Variants in GPBP1 observed in about 807,000 individuals in gnomAD.
GPBP1 encodes the protein vasculin.
A neutral mutation model predicts 56.5 loss-of-function variants in GPBP1; 13 were observed. That is an observed-to-expected ratio of 0.23 (90% CI 0.15 to 0.37). GPBP1 has a LOEUF of 0.37. Among genes scored for constraint, GPBP1 ranks in the 10% least tolerant of loss-of-function variants. GPBP1 has a pLI of 1.00. For synonymous variants in GPBP1, 204 were observed against 188.9 expected (o/e 1.08, Z -0.66); for missense variants, 477 against 572.3 (o/e 0.83, Z 1.70).
chr5:57,205,153 C>T (rs1456580576), intron 2 of GPBP1, among the ~76,000 whole-genome samples: 2 of 152,162 alleles, frequency 1.3e-5, no homozygotes, highest in Non-Finnish European at 2.9e-5. Flanking sequence ...TGCTTTTTTT[C>T]TCTATGAATT....
chr5:57,234,636 C>T (rs956990535), intron 5 of GPBP1, among the ~76,000 whole-genome samples: 1 of 152,158 alleles, frequency 6.6e-6, no homozygotes, highest in African/African-American at 2.4e-5. Flanking sequence ...CCCTTAAAAG[C>T]AGAGAAGTTT....
intron 3 of GPBP1, among the ~76,000 whole-genome samples, chr5:57,230,161 A>G (rs981948394): frequency 1.3e-5 from 2 of 151,786 alleles, no homozygotes; most frequent in Non-Finnish European, 2.9e-5. Flanking sequence ...CGAACTCCCA[A>G]TCTCAGGTGA....
intron 3 of GPBP1, among the ~76,000 whole-genome samples, chr5:57,219,874 A>G (rs1284719519): frequency 6.6e-6 from 1 of 151,926 alleles, no homozygotes; most frequent in Admixed American, 6.6e-5. Context: ...CCAACGTGGA[A>G]AAACCCTGTC....
At chr5:57,224,329 G>A (rs1239212906) in intron 3 of GPBP1, among the ~76,000 whole-genome samples, 2 of 150,604 alleles carry the variant, frequency 1.3e-5, no homozygotes, top group Non-Finnish European at 2.9e-5. Flanking sequence ...TGCAGCCTTT[G>A]CCTCCCAGGT....
intron 2 of GPBP1, among the ~76,000 whole-genome samples, chr5:57,211,620 C>G (rs1450825055): frequency 3.4e-5 from 5 of 148,358 alleles, no homozygotes; most frequent in African/African-American, 1.3e-4. Flanking sequence ...GAGTTTCCTC[C>G]TTGCCCAGGC....
At chr5:57,223,919 T>C (rs1429285431) in intron 3 of GPBP1, among the ~76,000 whole-genome samples, 1 of 151,856 alleles carries the variant, frequency 6.6e-6, no homozygotes, top group African/African-American at 2.4e-5. Flanking sequence ...CTGCAAGCTC[T>C]GCCTCCTGGG....
At chr5:57,246,251 C>T (rs1228236733) in intron 6 of GPBP1, 49 bp from the exon 7 acceptor site, 2 of 1,461,892 alleles carry the variant, frequency 1.4e-6, no homozygotes, top group African/African-American at 2.8e-5. Flanking sequence ...TTATTCTATA[C>T]TAAAACTTGA....
intron 10 of GPBP1, among the ~76,000 whole-genome samples, chr5:57,259,766 GAAGCTTTCCCAGGCATTTTTCTGCTA>G (rs1305150260): frequency 5.5e-4 from 84 of 152,202 alleles, no homozygotes; most frequent in African/African-American, 1.5e-3. Flanking sequence ...ACTCTCTGGT[GAAGCTTTCCCAGGCATTTTTCTGCTA>G]AAGCTTTCCC....
Position 57,175,853 on chromosome 5 carries a change from T to C in GPBP1, c.-605T>C. Reference sequence around the variant, plus strand: ...TTTCATGGCAGTTTATTTTTACCTTTATTGAAAGTTTTAGGAATTTTTGAC... The same window carrying C: ...TTTCATGGCAGTTTATTTTTACCTTCATTGAAAGTTTTAGGAATTTTTGAC... On this transcript the variant is annotated 5_prime_UTR_variant, in exon 2 of 12. Transcript: ENST00000506184. 2.5e-6 allele frequency: 1 copy of C among 397,528 alleles called. No individual in the cohort carries two copies. Among genetic ancestry groups the C allele is most frequent in the Non-Finnish European group, 4.4e-6 (1 of 225,776 alleles). 24.6% of individuals were successfully genotyped at this position (397,528 alleles called of 1,614,324 possible).
intron 3 of GPBP1, among the ~76,000 whole-genome samples, chr5:57,229,725 G>T (rs1353771517): frequency 6.6e-6 from 1 of 151,200 alleles, no homozygotes; most frequent in Non-Finnish European, 1.5e-5. Context: ...GTAGAGATGG[G>T]GTTTCACTGT....
intron 2 of GPBP1, among the ~76,000 whole-genome samples, chr5:57,200,007 C>T (rs1754929139): frequency 6.9e-6 from 1 of 145,866 alleles, no homozygotes; most frequent in South Asian, 2.2e-4. Context: ...TGCGCCTGGC[C>T]CTTACTTGAA....
intron 2 of GPBP1, among the ~76,000 whole-genome samples, chr5:57,200,840 C>T (rs894988804): frequency 3.3e-5 from 5 of 152,128 alleles, no homozygotes; most frequent in South Asian, 2.1e-4. Context: ...AGCCACCACG[C>T]GCGGCTAGTT....
intron 3 of GPBP1, among the ~76,000 whole-genome samples, chr5:57,217,572 AAAAC>A (rs766681917): frequency 2.0e-4 from 31 of 151,976 alleles, no homozygotes; most frequent in Admixed American, 5.2e-4. Context: ...ATACTGTCTC[AAAAC>A]AAACAAACAA....
At chr5:57,185,369 C>T (rs995852982) in intron 2 of GPBP1, among the ~76,000 whole-genome samples, 1 of 151,080 alleles carries the variant, frequency 6.6e-6, no homozygotes, top group South Asian at 2.1e-4. Flanking sequence ...TTAAGTGATT[C>T]TCCTGTCTCA....
At chr5:57,228,620 C>CCCT (rs1234715307) in intron 3 of GPBP1, among the ~76,000 whole-genome samples, 2 of 151,520 alleles carry the variant, frequency 1.3e-5, no homozygotes, top group African/African-American at 4.9e-5. Flanking sequence ...GAAAAAGATC[C>CCCT]CCTCCATTCT....
chr5:57,224,889 A>G (rs1756112301), intron 3 of GPBP1, among the ~76,000 whole-genome samples: 1 of 151,424 alleles, frequency 6.6e-6, no homozygotes, highest in Admixed American at 6.6e-5. Flanking sequence ...CATGAAGACA[A>G]TGACCATTTG....
intron 2 of GPBP1, among the ~76,000 whole-genome samples, chr5:57,194,834 T>C (rs1263571368): frequency 6.6e-6 from 1 of 152,204 alleles, no homozygotes; most frequent in Non-Finnish European, 1.5e-5. Flanking sequence ...CAGGATTTTG[T>C]TCTTTTTTAT....
At chr5:57,260,084 G>T (rs1741822344) in intron 10 of GPBP1, among the ~76,000 whole-genome samples, 1 of 152,062 alleles carries the variant, frequency 6.6e-6, no homozygotes, top group South Asian at 2.1e-4. Context: ...CTCTATTTTT[G>T]TCTGCAGATG....
At position 57,182,829 on chromosome 5, in the gene GPBP1, G is replaced by T. The variant is rs186759884; in HGVS notation, c.-58+6429G>T. Among the ~76,000 whole-genome samples the T allele has an allele frequency of 1.9e-3, 296 of 152,166 alleles. 1 individual carries two copies. Among genetic ancestry groups the T allele is most frequent in the African/African-American group, 7.0e-3 (289 of 41,532 alleles). On this transcript the variant is annotated intron_variant, in intron 2 of 11. Coordinates refer to ENST00000506184, the MANE Select transcript of GPBP1 (RefSeq NM_022913.4). ...CTCCCAAGTAGCTGGGACTATAGGC[G>T]CATGTCACCATGCTCGGCTAATTTT...
Sources: allele counts gnomAD v4.1 joint callset (sites outside exome capture counted in the v4.1 genomes callset), GRCh38; gene constraint gnomAD v4.1.1; transcripts MANE v1.5; gene names NCBI Gene and HGNC (gene_info 2026-07-23, HGNC 2026-07-21).